The following RPA1 variants were observed in gnomAD, a reference collection of about 807,000 sequenced individuals.
RPA1 encodes replication protein A 70 kDa DNA-binding subunit.
Under a neutral mutation model 83.0 loss-of-function variants are expected in RPA1, and 49 were observed. The ratio of observed to expected loss-of-function variants is 0.59; its 90% CI spans 0.47 to 0.75. The LOEUF is 0.75. RPA1 is among the 30% of genes least tolerant of loss of function. The probability of loss-of-function intolerance (pLI) is 0.00; values close to 1 mark genes in which losing one functional copy is unlikely to be tolerated. For synonymous variants in RPA1, 279 were observed against 281.8 expected, an observed-to-expected ratio of 0.99 and a Z score of 0.10; for missense variants, 693 against 776.1, an observed-to-expected ratio of 0.89 and a Z score of 1.27.
At chr17:1,863,125 G>C (rs1913047989) in intron 5 of RPA1, among the ~76,000 whole-genome samples, 1 of 151,982 alleles carries the variant, frequency 6.6e-6, no homozygotes, top group South Asian at 2.1e-4. Context: ...CCAGGCTCAA[G>C]TGATCTTCCC....
chr17:1,871,771 CTTTTA>C (rs1398705286), intron 5 of RPA1, among the ~76,000 whole-genome samples: 1 of 152,106 alleles, frequency 6.6e-6, no homozygotes, highest in Non-Finnish European at 1.5e-5. Flanking sequence ...CCCCCCTTTA[CTTTTA>C]ATCTTCCTGT....
chr17:1,875,872 C>A, intron 7 of RPA1, 79 bp downstream of exon 7: 1 of 1,376,882 alleles, frequency 7.3e-7, no homozygotes, highest in Non-Finnish European at 9.7e-7. Context: ...GTTATTTATG[C>A]GTGAACTTCA....
intron 1 of RPA1, among the ~76,000 whole-genome samples, chr17:1,835,107 T>C (rs1214089793): frequency 6.6e-6 from 1 of 152,072 alleles, no homozygotes; most frequent in Non-Finnish European, 1.5e-5. Context: ...CGCCTCGGCT[T>C]CCCCAAGTCC....
rs3744768 is a variant in RPA1, at chr17:1,897,592, G to A, written c.*417G>A. The A allele has an allele frequency of 0.19, 31,603 of 164,862 alleles. 3,380 individuals are homozygous for A. Among genetic ancestry groups the A allele is most frequent in the East Asian group, 0.27 (1,486 of 5,510 alleles). The allele number at this position is 164,862 out of a possible 1,614,324, so 10.2% of individuals were successfully genotyped here. A position where few individuals can be genotyped will look rare whatever the true frequency, so the allele number is the denominator to read the frequency against. On this transcript the variant is annotated 3_prime_UTR_variant, in exon 17 of 17. Coordinates refer to ENST00000254719, the MANE Select transcript of RPA1 (RefSeq NM_002945.5). ...GCTCACAACTTGGGTTCTTCTCAGC[G>A]GGGCGAGCTGAGAAGCGGTCATGAG... is the stretch of plus-strand genomic sequence containing the variant.
intron 16 of RPA1, 140 bp downstream of exon 16, chr17:1,895,235 G>A: frequency 2.0e-6 from 1 of 501,130 alleles, no homozygotes. Flanking sequence ...CACAGGTGCT[G>A]TTATGATCCC....
chr17:1,848,061 A>G (rs1048515184), intron 4 of RPA1, among the ~76,000 whole-genome samples: 5 of 152,154 alleles, frequency 3.3e-5, no homozygotes, highest in Non-Finnish European at 5.9e-5. Flanking sequence ...AACAAATTCA[A>G]TGACTGGTTC....
intron 5 of RPA1, among the ~76,000 whole-genome samples, chr17:1,854,437 C>T (rs1309802214): frequency 6.6e-6 from 1 of 152,170 alleles, no homozygotes; most frequent in Non-Finnish European, 1.5e-5. Context: ...CGGTACCTCA[C>T]ACCTGTAATC....
intron 11 of RPA1, among the ~76,000 whole-genome samples, chr17:1,880,287 C>G (rs1297733176): frequency 2.0e-5 from 3 of 152,164 alleles, no homozygotes; most frequent in African/African-American, 7.2e-5. Context: ...ATTTAAAATC[C>G]TTTATCTTAC....
chr17:1,862,638 C>T (rs550497011), intron 5 of RPA1, among the ~76,000 whole-genome samples: 2 of 147,020 alleles, frequency 1.4e-5, no homozygotes, highest in South Asian at 2.2e-4. Context: ...AGGTTGGTCT[C>T]GATCCCCTGA....
intron 1 of RPA1, among the ~76,000 whole-genome samples, chr17:1,840,621 A>C (rs1182058884): frequency 6.6e-6 from 1 of 151,474 alleles, no homozygotes; most frequent in Non-Finnish European, 1.5e-5. Context: ...TGTTGCCCCG[A>C]CTGGTCTCGA....
At chr17:1,865,403 CTA>C (rs763542159) in intron 5 of RPA1, among the ~76,000 whole-genome samples, 11 of 152,160 alleles carry the variant, frequency 7.2e-5, no homozygotes, top group African/African-American at 1.4e-4. Flanking sequence ...AAAATTATCT[CTA>C]TTTCACATTT....
intron 1 of RPA1, among the ~76,000 whole-genome samples, chr17:1,835,482 G>A (rs1454946674): frequency 6.6e-6 from 1 of 152,068 alleles, no homozygotes; most frequent in East Asian, 1.9e-4. Flanking sequence ...AGTTACATTT[G>A]TAAACAGCTG....
intron 5 of RPA1, among the ~76,000 whole-genome samples, chr17:1,868,234 C>T (rs1597443303): frequency 1.3e-5 from 2 of 152,266 alleles, no homozygotes. Context: ...TCTCGAATTT[C>T]GTTGTAACCA....
chr17:1,891,530 C>CCGCCTCCCGGGTTCAAGTGATTCTCG, intron 14 of RPA1: 1 of 184,184 alleles, frequency 5.4e-6, no homozygotes, highest in Non-Finnish European at 1.1e-5. Flanking sequence ...AGTGATTCTC[C>CCGCCTCCCGGGTTCAAGTGATTCTCG]CGCCTCAGCC....
At chr17:1,869,091 T>C (rs1159790363) in intron 5 of RPA1, among the ~76,000 whole-genome samples, 1 of 152,262 alleles carries the variant, frequency 6.6e-6, no homozygotes, top group Non-Finnish European at 1.5e-5. Flanking sequence ...GTTAAGAAAG[T>C]ACTTACTGGT....
At position 1,898,163 on chromosome 17, in the gene RPA1, CATT is replaced by C. The variant is rs1263993146; in HGVS notation, c.*991_*993del. ...TGTTCACTTGGGGGGGATGTTAACT[CATT>C]ATAAACCCGAAGATTAGTCCAAGGC... is the stretch of plus-strand genomic sequence containing the variant. On this transcript the variant is annotated 3_prime_UTR_variant, in exon 17 of 17. Transcript: ENST00000254719. The C allele has an allele frequency of 6.6e-6, 1 of 152,144 alleles. No homozygotes were observed. The highest frequency in any genetic ancestry group is 2.4e-5 in the African/African-American group (1 of 41,422). 9.4% of individuals were successfully genotyped at this position (152,144 alleles called of 1,614,324 possible).
chr17:1,848,827 G>A (rs781327781), intron 4 of RPA1, among the ~76,000 whole-genome samples: 3 of 152,018 alleles, frequency 2.0e-5, no homozygotes, highest in Non-Finnish European at 4.4e-5. Context: ...GCCTCCCAAA[G>A]TCCTAGGATT....
At position 1,895,047 on chromosome 17, in the gene RPA1, C is replaced by T; in HGVS notation, c.1698C>T (p.Asn566=). ...TTGAAGAAGTTTTCCAGAATGCCAA[C>T]TTCCGATCTTTCATATTCAGAGTCA... is the stretch of plus-strand genomic sequence containing the variant. ...QAFEEVFQNA[N]FRSFIFRVRV... Residue 566 remains asparagine (N), a synonymous_variant, in exon 16 of 17, where the codon AAC becomes AAT. Transcript: ENST00000254719. The T allele has an allele frequency of 6.2e-7, 1 of 1,613,740 alleles. No individual in the cohort carries two copies. The highest frequency in any genetic ancestry group is 8.5e-7 in the Non-Finnish European group (1 of 1,179,774).
chr17:1,831,953 AC>A (rs200958040), intron 1 of RPA1, among the ~76,000 whole-genome samples: 860 of 54,884 alleles, frequency 0.016, 3 homozygotes, highest in Admixed American at 0.031. Context: ...TTCTCCCCAT[AC>A]CCCCCCACTA....
Sources: gnomAD v4.1 joint callset for allele counts (sites outside exome capture counted in the v4.1 genomes callset) on GRCh38, gnomAD v4.1.1 for gene constraint, MANE v1.5 for transcripts, NCBI Gene and HGNC (gene_info 2026-07-23, HGNC 2026-07-21) for gene names.